BCAS3: variants seen among roughly 807,000 people sequenced by gnomAD.
The protein encoded by BCAS3 is BCAS4/BCAS3 fusion.
Under a neutral mutation model 116.1 loss-of-function variants are expected in BCAS3, and 53 were observed. The observed-to-expected ratio is 0.46, with a 90% CI of 0.37 to 0.57. The LOEUF (loss-of-function observed/expected upper bound fraction) is 0.57, where lower values mean the gene tolerates loss of function less well. BCAS3 is among the 20% of genes least tolerant of loss of function. The probability of loss-of-function intolerance (pLI) is 0.00; values close to 1 mark genes in which losing one functional copy is unlikely to be tolerated. For missense variants in BCAS3, 917 were observed against 1,165.4 expected, an observed-to-expected ratio of 0.79 and a Z score of 3.10; for synonymous variants, 391 against 408.2, an observed-to-expected ratio of 0.96 and a Z score of 0.51.
rs191690206 is a variant in BCAS3, at chr17:60,925,363, A to G, written c.1087+863A>G. On this transcript the variant is annotated intron_variant, in intron 13 of 23. Transcript: ENST00000407086. The stretch of plus-strand genomic sequence containing the variant: ...GTAAGTATTGCGTCTACATCATTTC[A>G]TCCCAATAGGAGACACATTATTTTA... Among the ~76,000 whole-genome samples the G allele has an allele frequency of 1.5e-3, 225 of 152,268 alleles. 1 individual carries two copies. The highest frequency in any genetic ancestry group is 5.2e-3 in the African/African-American group (216 of 41,556).
At chr17:60,868,498 T>A in intron 7 of BCAS3, 78 bp from the exon 8 acceptor site, 1 of 765,402 alleles carries the variant, frequency 1.3e-6, no homozygotes, top group South Asian at 3.4e-5. Context: ...TTGAATATTA[T>A]GTTAATGAGA....
intron 14 of BCAS3, among the ~76,000 whole-genome samples, chr17:60,979,999 T>C (rs921806789): frequency 1.3e-5 from 2 of 152,128 alleles, no homozygotes; most frequent in Admixed American, 6.5e-5. Context: ...ATCAGGATGA[T>C]GCTGGCCTCA....
chr17:61,177,632 G>A (rs1025089990), intron 22 of BCAS3, among the ~76,000 whole-genome samples: 1 of 152,316 alleles, frequency 6.6e-6, no homozygotes, highest in Middle Eastern at 3.4e-3. Context: ...CTTGATTGTG[G>A]TGATGATTTC....
intron 22 of BCAS3, among the ~76,000 whole-genome samples, chr17:61,191,129 AT>A (rs749968989): frequency 4.6e-5 from 7 of 152,088 alleles, no homozygotes; most frequent in Non-Finnish European, 2.9e-5. Flanking sequence ...CTACAAAAAA[AT>A]AATTTAAAAA....
intron 6 of BCAS3, among the ~76,000 whole-genome samples, chr17:60,778,789 C>A (rs1023970755): frequency 3.3e-5 from 5 of 152,084 alleles, no homozygotes; most frequent in African/African-American, 1.2e-4. Context: ...AAAAGATCAG[C>A]CCTAGTGTTT....
intron 6 of BCAS3, among the ~76,000 whole-genome samples, chr17:60,798,675 G>T (rs539211908): frequency 1.3e-4 from 20 of 152,302 alleles, no homozygotes; most frequent in African/African-American, 4.6e-4. Context: ...GCGGACAAAC[G>T]TCTTCAGTTC....
intron 10 of BCAS3, among the ~76,000 whole-genome samples, chr17:60,892,632 C>T (rs559503356): frequency 2.0e-5 from 3 of 150,496 alleles, no homozygotes; most frequent in South Asian, 2.2e-4. Context: ...TAAGAATAGC[C>T]GTTTTCGGCC....
At chr17:60,800,452 C>T (rs965760435) in intron 6 of BCAS3, among the ~76,000 whole-genome samples, 14 of 152,000 alleles carry the variant, frequency 9.2e-5, no homozygotes, top group Admixed American at 4.6e-4. Flanking sequence ...TGTTGTTTTA[C>T]TGTTGAGTTG....
chr17:60,817,855 A>AT (rs199501753), intron 7 of BCAS3, among the ~76,000 whole-genome samples: 5,203 of 143,356 alleles, frequency 0.036, 175 homozygotes, highest in African/African-American at 0.091. Context: ...AAGCAAAATA[A>AT]TTTTTTTTTT....
rs75288690 is a variant in BCAS3, at chr17:61,256,250, T to TTTTGTTTG, written c.2426-112053_2426-112046dup. Among the ~76,000 whole-genome samples the TTTTGTTTG allele has an allele frequency of 0.016, 2,455 of 151,686 alleles. 38 individuals carry two copies. Among genetic ancestry groups the TTTTGTTTG allele is most frequent in the Middle Eastern group, 0.024 (7 of 294 alleles). ...TCTTCAAGCCAAGAGGTAGTTTGGTTTTTGTTTGTTTGTTTGTTTGTTTGT... is the reference window on the plus strand; with the variant it reads ...TCTTCAAGCCAAGAGGTAGTTTGGTTTTTGTTTGTTTGTTTGTTTGTTTGTTTGTTTGT... On this transcript the variant is annotated intron_variant, in intron 22 of 23. Transcript: ENST00000407086. The surrounding 1 kb of genome is among the most constrained non-coding windows in gnomAD (Gnocchi z 5.6).
chr17:61,051,876 G>A lies in BCAS3; in HGVS notation c.2029+10984G>A, dbSNP rs533905110. Reference sequence around the variant, plus strand: ...TTTATATTATAAAGGGAAAAGATCTGAAATCAATGACCTCAGCTTCCACAT... The same window carrying A: ...TTTATATTATAAAGGGAAAAGATCTAAAATCAATGACCTCAGCTTCCACAT... On this transcript the variant is annotated intron_variant, in intron 19 of 23. Coordinates refer to ENST00000407086, the MANE Select transcript of BCAS3 (RefSeq NM_017679.5). The surrounding 1 kb of genome is among the most constrained non-coding windows in gnomAD (Gnocchi z 4.1). Among the ~76,000 whole-genome samples, 3 of 152,272 alleles carry A rather than the reference G, an allele frequency of 2.0e-5. No individual in the cohort carries two copies. The highest frequency in any genetic ancestry group is 7.2e-5 in the African/African-American group (3 of 41,560).
intron 15 of BCAS3, among the ~76,000 whole-genome samples, chr17:60,999,573 A>AAAAG (rs1568081044): frequency 7.2e-6 from 1 of 138,040 alleles, no homozygotes; most frequent in African/African-American, 3.5e-5. Context: ...AAGAAAAAGA[A>AAAAG]AAAGAAATGT....
intron 4 of BCAS3, among the ~76,000 whole-genome samples, chr17:60,708,567 GT>G (rs1178946862): frequency 3.3e-5 from 5 of 152,062 alleles, no homozygotes; most frequent in Admixed American, 6.6e-5. Context: ...GTCTTGCTGT[GT>G]CACCCAGGCT....
intron 5 of BCAS3, among the ~76,000 whole-genome samples, chr17:60,731,796 T>TTTTTTTTTTTTTTA (rs2040476984): frequency 6.6e-6 from 1 of 151,182 alleles, no homozygotes; most frequent in African/African-American, 2.4e-5. Flanking sequence ...TTTTTTTTTT[T>TTTTTTTTTTTTTTA]GAGGCAGAGT....
At chr17:60,720,661 T>G (rs2039137348) in intron 5 of BCAS3, among the ~76,000 whole-genome samples, 1 of 152,230 alleles carries the variant, frequency 6.6e-6, no homozygotes, top group Middle Eastern at 3.2e-3. Flanking sequence ...AATGACAGTA[T>G]AGCTATTTAC....
At position 61,278,930 on chromosome 17, in the gene BCAS3, T is replaced by G. The variant is rs1375335934; in HGVS notation, c.2426-89397T>G. Among the ~76,000 whole-genome samples, 2 of 151,796 alleles carry G rather than the reference T, an allele frequency of 1.3e-5. No homozygotes were observed. Among genetic ancestry groups the G allele is most frequent in the African/African-American group, 4.8e-5 (2 of 41,286 alleles). On this transcript the variant is annotated intron_variant, in intron 22 of 23. Coordinates refer to ENST00000407086, the MANE Select transcript of BCAS3 (RefSeq NM_017679.5). This position sits in a 1 kb window ranked among gnomAD's most constrained non-coding sequence, Gnocchi z 5.8. Reference sequence around the variant, plus strand: ...TGGTTGCACAATTCTGTGAATACACTAAAAGCCATTGAATTATGTACTTTT... The same window carrying G: ...TGGTTGCACAATTCTGTGAATACACGAAAAGCCATTGAATTATGTACTTTT...
intron 14 of BCAS3, among the ~76,000 whole-genome samples, chr17:60,985,141 CTTTTTTTTT>C (rs560277871): frequency 5.0e-5 from 6 of 120,360 alleles, no homozygotes; most frequent in Non-Finnish European, 6.6e-5. Context: ...CAACTGTATT[CTTTTTTTTT>C]TTTTTTTTTT....
Position 61,188,698 on chromosome 17 carries a change from C to A in BCAS3, c.2425+104134C>A, listed in dbSNP as rs1025230134. 6.6e-6 allele frequency among the ~76,000 whole-genome samples: 1 copy of A among 152,100 alleles called. No homozygotes were observed. ...CAACTGCTCAGAGTGCTGTGTCGAGCTTAATGGGTATAAAGGAGAAGAAAG... is the reference window on the plus strand; with the variant it reads ...CAACTGCTCAGAGTGCTGTGTCGAGATTAATGGGTATAAAGGAGAAGAAAG... On this transcript the variant is annotated intron_variant, in intron 22 of 23. Coordinates refer to ENST00000407086, the MANE Select transcript of BCAS3 (RefSeq NM_017679.5). This position sits in a 1 kb window ranked among gnomAD's most constrained non-coding sequence, Gnocchi z 4.0.
chr17:61,049,734 T>TCTTTTCTTTTC (rs201099773), intron 19 of BCAS3, among the ~76,000 whole-genome samples: 48 of 144,788 alleles, frequency 3.3e-4, no homozygotes, highest in African/African-American at 1.1e-3. Context: ...TCTTTTCTTT[T>TCTTTTCTTTTC]TTTTTTTTTT....
Sources: allele counts gnomAD v4.1 joint callset (sites outside exome capture counted in the v4.1 genomes callset), GRCh38; gene constraint gnomAD v4.1.1; non-coding constraint Gnocchi (gnomAD v3.1); transcripts MANE v1.5; gene names NCBI Gene and HGNC (gene_info 2026-07-23, HGNC 2026-07-21).